The following CDK14 variants were observed in gnomAD, a reference collection of about 807,000 sequenced individuals.
CDK14 encodes cyclin dependent kinase 14.
Under a neutral mutation model 60.7 loss-of-function variants are expected in CDK14, and 34 were observed. The observed-to-expected ratio is 0.56, with a 90% CI of 0.43 to 0.75. CDK14 has a LOEUF of 0.75. CDK14 is among the 30% of genes least tolerant of loss of function. The pLI is 0.00. For missense variants in CDK14, 482 were observed against 564.1 expected (o/e 0.85, Z 1.47); for synonymous variants, 197 against 203.7 (o/e 0.97, Z 0.28).
intron 10 of CDK14, among the ~76,000 whole-genome samples, chr7:91,010,213 T>A (rs1446949368): frequency 6.6e-6 from 1 of 152,130 alleles, no homozygotes; most frequent in Non-Finnish European, 1.5e-5. Flanking sequence ...ATTCAACTTA[T>A]ACAGACTTTT....
intron 2 of CDK14, among the ~76,000 whole-genome samples, chr7:90,610,702 A>C (rs1254789669): frequency 6.6e-6 from 1 of 152,052 alleles, no homozygotes; most frequent in African/African-American, 2.4e-5. Flanking sequence ...GTGTCTTTTT[A>C]CATTGTTTTC....
chr7:90,692,968 C>T (rs114491388), intron 2 of CDK14, among the ~76,000 whole-genome samples: 3 of 151,682 alleles, frequency 2.0e-5, no homozygotes, highest in African/African-American at 7.3e-5. Context: ...TGGAGTAAAG[C>T]TTTTTGCCAG....
At chr7:90,873,540 G>A (rs765839523) in intron 6 of CDK14, among the ~76,000 whole-genome samples, 1 of 152,054 alleles carries the variant, frequency 6.6e-6, no homozygotes, top group Non-Finnish European at 1.5e-5. Context: ...TTAGTTTAAT[G>A]TGCATTCTAT....
At chr7:90,711,452 A>G (rs941662224) in intron 2 of CDK14, among the ~76,000 whole-genome samples, 1 of 150,422 alleles carries the variant, frequency 6.6e-6, no homozygotes, top group Admixed American at 6.6e-5. Flanking sequence ...AGCTATTCAT[A>G]TTTTTACCTT....
intron 8 of CDK14, among the ~76,000 whole-genome samples, chr7:90,945,274 C>G (rs1226083427): frequency 6.6e-6 from 1 of 152,184 alleles, no homozygotes; most frequent in African/African-American, 2.4e-5. Flanking sequence ...TATGATTAAG[C>G]ATTTTTCATG....
intron 12 of CDK14, among the ~76,000 whole-genome samples, chr7:91,093,334 T>A (rs1244847631): frequency 6.6e-6 from 1 of 152,060 alleles, no homozygotes; most frequent in Non-Finnish European, 1.5e-5. Context: ...TCAAGATGTA[T>A]AAAACTAAGG....
intron 2 of CDK14, among the ~76,000 whole-genome samples, chr7:90,719,641 G>A (rs533861906): frequency 1.5e-4 from 23 of 152,182 alleles, no homozygotes; most frequent in South Asian, 1.2e-3. Flanking sequence ...CAAATTAATC[G>A]CTTCAGATGA....
In CDK14 at chr7:90,957,300, T is replaced by C. The variant is rs535458741; in HGVS notation, c.947+1483T>C. On this transcript the variant is annotated intron_variant, in intron 9 of 14. Coordinates refer to ENST00000380050, the MANE Select transcript of CDK14 (RefSeq NM_001287135.2). ...TGTTGTTTCCTGACTTTTTAATGATTGCGATTCTAACTGGTGTGAGATGGT... is the reference window on the plus strand; with the variant it reads ...TGTTGTTTCCTGACTTTTTAATGATCGCGATTCTAACTGGTGTGAGATGGT... Among the ~76,000 whole-genome samples the C allele has an allele frequency of 3.3e-5, 5 of 152,270 alleles. No individual in the cohort carries two copies. The East Asian group carries it at 5.8e-4, about 18-fold the overall frequency.
At chr7:90,724,760 T>G (rs1680284829) in intron 2 of CDK14, among the ~76,000 whole-genome samples, 1 of 151,496 alleles carries the variant, frequency 6.6e-6, no homozygotes, top group Non-Finnish European at 1.5e-5. Flanking sequence ...TGCCCTTACA[T>G]TTTTTTTTCT....
chr7:90,675,619 C>G (rs954374391), intron 2 of CDK14, among the ~76,000 whole-genome samples: 2 of 152,210 alleles, frequency 1.3e-5, no homozygotes, highest in African/African-American at 4.8e-5. Flanking sequence ...GAAATAGAAA[C>G]AATTTAATAC....
intron 14 of CDK14, among the ~76,000 whole-genome samples, chr7:91,124,277 T>C (rs1584095125): frequency 6.6e-6 from 1 of 152,156 alleles, no homozygotes; most frequent in Non-Finnish European, 1.5e-5. Flanking sequence ...CTTCACCCAC[T>C]GTCCCCAAAG....
chr7:90,909,056 G>A (rs1483341830), intron 7 of CDK14, among the ~76,000 whole-genome samples: 1 of 151,948 alleles, frequency 6.6e-6, no homozygotes. Context: ...ATATTGATTC[G>A]TTTTCATTTT....
intron 2 of CDK14, among the ~76,000 whole-genome samples, chr7:90,610,727 T>C (rs1219892812): frequency 1.3e-5 from 2 of 152,194 alleles, no homozygotes; most frequent in Non-Finnish European, 2.9e-5. Context: ...AATGCATGGC[T>C]GTCTATCTAA....
chr7:90,702,389 T>C (rs1801803782), intron 2 of CDK14, among the ~76,000 whole-genome samples: 1 of 152,144 alleles, frequency 6.6e-6, no homozygotes, highest in Admixed American at 6.5e-5. Context: ...CTGATTTCAC[T>C]CTCACCCAGT....
At chr7:91,047,876 C>G (rs182810731) in intron 11 of CDK14, among the ~76,000 whole-genome samples, 4 of 152,214 alleles carry the variant, frequency 2.6e-5, no homozygotes, top group Non-Finnish European at 1.5e-5. Flanking sequence ...ACCAGACCAT[C>G]CAGGGGAGCC....
At chr7:90,816,609 C>T (rs1002025810) in intron 5 of CDK14, among the ~76,000 whole-genome samples, 1 of 152,038 alleles carries the variant, frequency 6.6e-6, no homozygotes. Flanking sequence ...GGAGATATAA[C>T]AAGATATTGA....
chr7:91,070,777 T>C (rs896665800), intron 11 of CDK14, among the ~76,000 whole-genome samples: 1 of 149,978 alleles, frequency 6.7e-6, no homozygotes, highest in Non-Finnish European at 1.5e-5. Flanking sequence ...AAAAAGGAAA[T>C]GTTAAAAAAA....
At chr7:91,023,464 A>C (rs559856232) in intron 10 of CDK14, among the ~76,000 whole-genome samples, 1 of 152,344 alleles carries the variant, frequency 6.6e-6, no homozygotes, top group Non-Finnish European at 1.5e-5. Flanking sequence ...TTATAAGTTG[A>C]TATAATGATT....
chr7:90,598,830 A>G (rs1036901684), intron 1 of CDK14, among the ~76,000 whole-genome samples: 4 of 144,588 alleles, frequency 2.8e-5, no homozygotes, highest in Non-Finnish European at 6.0e-5. Flanking sequence ...TCAGCCTCCC[A>G]AGTAGCTGGG....
Sources: allele counts gnomAD v4.1 joint callset (sites outside exome capture counted in the v4.1 genomes callset), GRCh38; gene constraint gnomAD v4.1.1; transcripts MANE v1.5; gene names NCBI Gene and HGNC (gene_info 2026-07-23, HGNC 2026-07-21).